PRKN: variants seen among roughly 807,000 people sequenced by gnomAD.
PRKN encodes the protein parkin RBR E3 ubiquitin protein ligase.
PRKN carries 56 observed loss-of-function variants against 59.5 expected under a neutral mutation model. The ratio of observed to expected loss-of-function variants is 0.94; its 90% confidence interval spans 0.76 to 1.18. The LOEUF is 1.18. PRKN is among the 50% of genes most tolerant of loss of function. The pLI, the probability that PRKN is intolerant of heterozygous loss-of-function variation, is 0.00. For synonymous variants in PRKN, 250 were observed against 222.1 expected (o/e 1.13, Z -1.12); for missense variants, 657 against 596.4 (o/e 1.10, Z -1.06).
intron 1 of PRKN, among the ~76,000 whole-genome samples, chr6:162,579,803 A>G (rs150807571): frequency 1.3e-5 from 2 of 152,264 alleles, no homozygotes; most frequent in Admixed American, 6.5e-5. Flanking sequence ...ACGTTCACAC[A>G]CACAATTATT....
rs1161435054 is a variant in PRKN, at chr6:161,450,855, T to C, written c.1084-63978A>G. On this transcript the variant is annotated intron_variant, in intron 9 of 11. Coordinates refer to ENST00000366898, the MANE Select transcript of PRKN (RefSeq NM_004562.3). The stretch of plus-strand genomic sequence containing the variant: ...CAGGCGTGAGCCACCATGCCCGGCT[T>C]GTTTTCTTAATTTAATTAAAATTAT... Among the ~76,000 whole-genome samples, 8 of 152,342 alleles carry C rather than the reference T, an allele frequency of 5.3e-5. No individual in the cohort carries two copies. In the East Asian group the frequency reaches 1.5e-3, roughly 29 times the overall value.
chr6:162,379,627 T>C (rs530382753), intron 2 of PRKN, among the ~76,000 whole-genome samples: 57 of 152,248 alleles, frequency 3.7e-4, no homozygotes, highest in Admixed American at 5.9e-4. Flanking sequence ...CTTTCCCGCA[T>C]GGACCCGCCT....
At chr6:161,707,902 T>C (rs971186918) in intron 7 of PRKN, among the ~76,000 whole-genome samples, 1 of 152,136 alleles carries the variant, frequency 6.6e-6, no homozygotes, top group Non-Finnish European at 1.5e-5. Flanking sequence ...CTCTTAACAT[T>C]TATAGATTAG....
chr6:161,516,227 C>T (rs1778581599), intron 9 of PRKN, among the ~76,000 whole-genome samples: 1 of 151,794 alleles, frequency 6.6e-6, no homozygotes, highest in South Asian at 2.1e-4. Context: ...GTGGGTGGGT[C>T]ACCTGAGGCC....
At position 161,417,640 on chromosome 6, in the gene PRKN, C is replaced by G. The variant is rs1388024889; in HGVS notation, c.1084-30763G>C. On this transcript the variant is annotated intron_variant, in intron 9 of 11. Coordinates refer to ENST00000366898, the MANE Select transcript of PRKN (RefSeq NM_004562.3). The surrounding 1 kb of genome is among the most constrained non-coding windows in gnomAD (Gnocchi z 5.4). ...CATCTATTGTTTCCTGTAATTGTCACAGCAGTACTCAATACACACATTTTC... is the reference window on the plus strand; with the variant it reads ...CATCTATTGTTTCCTGTAATTGTCAGAGCAGTACTCAATACACACATTTTC... 2.0e-5 allele frequency among the ~76,000 whole-genome samples: 3 copies of G among 152,114 alleles called. No individual in the cohort carries two copies. Among genetic ancestry groups the G allele is most frequent in the Non-Finnish European group, 4.4e-5 (3 of 68,034 alleles).
rs1562355256 is a variant in PRKN at position 161,874,486 on chromosome 6, T to TTATATGTAAAATATAC, written c.735-88579_735-88578insGTATATTTTACATATA. ...TAAAATATATTATATGTAAAATATA[T>TTATATGTAAAATATAC]ATTATATGTAAAATATATTATATGT... On this transcript the variant is annotated intron_variant, in intron 6 of 11. Transcript: ENST00000366898. Among the ~76,000 whole-genome samples the TTATATGTAAAATATAC allele has an allele frequency of 1.0e-4, 11 of 107,614 alleles. 3 individuals carry two copies. Among genetic ancestry groups the TTATATGTAAAATATAC allele is most frequent in the African/African-American group, 4.5e-4 (11 of 24,678 alleles). The allele number at this position is 107,614 out of a possible 152,430, so 70.6% of individuals were successfully genotyped here.
At chr6:161,680,763 A>G (rs1416872470) in intron 7 of PRKN, among the ~76,000 whole-genome samples, 1 of 10,164 alleles carries the variant, frequency 9.8e-5, no homozygotes, top group Non-Finnish European at 1.9e-4. Context: ...ATATATATAT[A>G]TATATATATA....
intron 7 of PRKN, among the ~76,000 whole-genome samples, chr6:161,604,196 T>C (rs1407286753): frequency 9.5e-6 from 1 of 104,890 alleles, no homozygotes; most frequent in African/African-American, 1.4e-4. Flanking sequence ...AATGCTTTTC[T>C]TTTTTTTCCA....
intron 3 of PRKN, among the ~76,000 whole-genome samples, chr6:162,217,349 C>T (rs1412222884): frequency 6.6e-6 from 1 of 152,110 alleles, no homozygotes; most frequent in Non-Finnish European, 1.5e-5. Flanking sequence ...GCTTCTCAGA[C>T]TTGGTCCCAC....
rs942720706 is a variant in PRKN at position 162,506,188 on chromosome 6, A to G, written c.8-62715T>C. ...TGGTATTTGATAATAGAGACAGCAA[A>G]TGGTGGTAAGGCAAGATGAAAATAT... On this transcript the variant is annotated intron_variant, in intron 1 of 11. Coordinates refer to ENST00000366898, the MANE Select transcript of PRKN (RefSeq NM_004562.3). Among the ~76,000 whole-genome samples, 8 of 149,404 alleles carry G rather than the reference A, an allele frequency of 5.4e-5. No homozygotes were observed. In the South Asian group the frequency reaches 1.7e-3, roughly 33 times the overall value.
Position 162,667,489 on chromosome 6 carries a change from T to C in PRKN, c.7+60173A>G, listed in dbSNP as rs184640740. ...TTTTTTCTATCACTTTGAAAGTCTG[T>C]CAAAATTTAAGTCATATAAAGTACC... On this transcript the variant is annotated intron_variant, in intron 1 of 11. Transcript: ENST00000366898. 1.1e-4 allele frequency among the ~76,000 whole-genome samples: 16 copies of C among 152,242 alleles called. No individual in the cohort carries two copies. The East Asian group carries it at 2.5e-3, about 24-fold the overall frequency.
chr6:162,700,618 C>T (rs1465641583), intron 1 of PRKN, among the ~76,000 whole-genome samples: 1 of 152,076 alleles, frequency 6.6e-6, no homozygotes, highest in Non-Finnish European at 1.5e-5. Context: ...AAACACCTAA[C>T]CAATAATAGG....
intron 7 of PRKN, among the ~76,000 whole-genome samples, chr6:161,663,839 G>A (rs767878648): frequency 6.6e-6 from 1 of 152,188 alleles, no homozygotes; most frequent in Non-Finnish European, 1.5e-5. Flanking sequence ...GTGAGAGGGT[G>A]GCTGGTGGAC....
intron 4 of PRKN, among the ~76,000 whole-genome samples, chr6:162,194,793 A>C (rs1164065653): frequency 6.6e-6 from 1 of 152,144 alleles, no homozygotes; most frequent in Non-Finnish European, 1.5e-5. Context: ...AGGGAAAAAG[A>C]GGAAAATATT....
At chr6:161,603,411 T>C (rs1782173672) in intron 7 of PRKN, among the ~76,000 whole-genome samples, 1 of 152,244 alleles carries the variant, frequency 6.6e-6, no homozygotes, top group Non-Finnish European at 1.5e-5. Flanking sequence ...GCCAATTACA[T>C]AATTTATTTG....
chr6:162,359,079 A>AAAAAAAT (rs57265104), intron 2 of PRKN, among the ~76,000 whole-genome samples: 2 of 83,274 alleles, frequency 2.4e-5, no homozygotes, highest in South Asian at 3.6e-4. Flanking sequence ...AAAAAAAAAA[A>AAAAAAAT]ATATATATAT....
intron 1 of PRKN, among the ~76,000 whole-genome samples, chr6:162,464,062 C>T (rs1046827121): frequency 2.0e-5 from 3 of 152,052 alleles, no homozygotes; most frequent in East Asian, 1.9e-4. Context: ...CATGAGGTGA[C>T]GTTTAAGCTT....
rs201296990 is a variant in PRKN, at chr6:161,424,782, T to C, written c.1084-37905A>G. Among the ~76,000 whole-genome samples the C allele has an allele frequency of 1.5e-4, 23 of 152,240 alleles. No homozygotes were observed. The East Asian group carries it at 4.2e-3, about 28-fold the overall frequency. On this transcript the variant is annotated intron_variant, in intron 9 of 11. Transcript: ENST00000366898. ...TGAGCAATCAAAGTATCAAAGGAAT[T>C]AACTCATCTAGGAATGCATGTTCCT...
chr6:162,072,231 T>G (rs1281116716), intron 4 of PRKN, among the ~76,000 whole-genome samples: 1 of 151,998 alleles, frequency 6.6e-6, no homozygotes. Context: ...GAGGTTGCAG[T>G]GACCCAAGAT....
Sources: allele counts gnomAD v4.1 joint callset (sites outside exome capture counted in the v4.1 genomes callset), GRCh38; gene constraint gnomAD v4.1.1; non-coding constraint Gnocchi (gnomAD v3.1); transcripts MANE v1.5; gene names NCBI Gene and HGNC (gene_info 2026-07-23, HGNC 2026-07-21).